Variants in MGAT4C observed in about 807,000 individuals in gnomAD.
MGAT4C encodes the protein MGAT4 family member C, also known as alpha-1,3-mannosyl-glycoprotein 4-beta-N-acetylglucosaminyltransferase C.
Under a neutral mutation model 40.1 loss-of-function variants are expected in MGAT4C, and 19 were observed. That is an observed-to-expected ratio of 0.47 (90% CI 0.33 to 0.70). MGAT4C has a LOEUF of 0.70. Among genes scored for constraint, MGAT4C ranks in the 30% least tolerant of loss-of-function variants. MGAT4C has a pLI of 0.02. For synonymous variants in MGAT4C, 181 were observed against 187.1 expected, an observed-to-expected ratio of 0.97 and a Z score of 0.27; for missense variants, 491 against 563.2, an observed-to-expected ratio of 0.87 and a Z score of 1.30.
At chr12:86,598,427 C>A (rs1441391328) in intron 2 of MGAT4C, among the ~76,000 whole-genome samples, 1 of 151,924 alleles carries the variant, frequency 6.6e-6, no homozygotes, top group African/African-American at 2.4e-5. Flanking sequence ...CTTCTTCCAC[C>A]TATTTAGAAG....
intron 1 of MGAT4C, among the ~76,000 whole-genome samples, chr12:86,812,579 T>C (rs11104102): frequency 0.33 from 50,276 of 151,924 alleles, 10,034 homozygotes; most frequent in East Asian, 0.67. Flanking sequence ...TCTTGGATTT[T>C]ATGTCTACTT....
chr12:86,827,394 T>C (rs1420432032), intron 1 of MGAT4C, among the ~76,000 whole-genome samples: 2 of 151,564 alleles, frequency 1.3e-5, no homozygotes, highest in African/African-American at 4.8e-5. Context: ...TTCCTGAATA[T>C]TTCCTACTGA....
chr12:86,447,923 C>G (rs1384029546), intron 2 of MGAT4C, among the ~76,000 whole-genome samples: 1 of 152,152 alleles, frequency 6.6e-6, no homozygotes, highest in Non-Finnish European at 1.5e-5. Flanking sequence ...CTGAGCTTCC[C>G]ATGCCCTGCC....
At chr12:86,156,644 A>G (rs972850963) in intron 1 of MGAT4C, among the ~76,000 whole-genome samples, 2 of 152,230 alleles carry the variant, frequency 1.3e-5, no homozygotes, top group African/African-American at 2.4e-5. Context: ...TTAAAAGTAC[A>G]GAAAAACATG....
At chr12:86,827,631 G>GA (rs1952833827) in intron 1 of MGAT4C, among the ~76,000 whole-genome samples, 1 of 151,306 alleles carries the variant, frequency 6.6e-6, no homozygotes, top group East Asian at 1.9e-4. Flanking sequence ...AAAGAAAAAT[G>GA]CCTTGGAAAG....
intron 2 of MGAT4C, among the ~76,000 whole-genome samples, chr12:86,608,493 G>T (rs1962124801): frequency 6.6e-6 from 1 of 152,020 alleles, no homozygotes; most frequent in South Asian, 2.1e-4. Context: ...TGGAAGAATT[G>T]CTTGAGCCCA....
chr12:86,252,859 T>C (rs1952358419), intron 1 of MGAT4C, among the ~76,000 whole-genome samples: 1 of 151,924 alleles, frequency 6.6e-6, no homozygotes, highest in African/African-American at 2.4e-5. Flanking sequence ...ACATACATTA[T>C]AAATACAAGA....
chr12:86,720,679 T>G (rs1316743468), intron 2 of MGAT4C, among the ~76,000 whole-genome samples: 3 of 152,120 alleles, frequency 2.0e-5, no homozygotes, highest in Non-Finnish European at 4.4e-5. Flanking sequence ...ATACAGGACA[T>G]GATTTACGAC....
At chr12:86,705,312 C>A (rs1383276832) in intron 2 of MGAT4C, among the ~76,000 whole-genome samples, 2 of 151,772 alleles carry the variant, frequency 1.3e-5, no homozygotes, top group African/African-American at 4.8e-5. Flanking sequence ...AAATGAAATA[C>A]AATTGGTTAT....
intron 1 of MGAT4C, among the ~76,000 whole-genome samples, chr12:86,235,332 C>G (rs1430804057): frequency 1.3e-5 from 2 of 152,014 alleles, no homozygotes; most frequent in African/African-American, 4.8e-5. Flanking sequence ...GATTATCTAG[C>G]TTCAGTCCAT....
intron 1 of MGAT4C, among the ~76,000 whole-genome samples, chr12:86,736,344 AAGCCACTGAAACCTTACC>A (rs1321281435): frequency 6.6e-6 from 1 of 151,794 alleles, no homozygotes; most frequent in African/African-American, 2.4e-5. Context: ...GAATCTTTTG[AAGCCACTGAAACCTTACC>A]ACTTTTCTTT....
At chr12:86,695,892 A>G (rs115210757) in intron 2 of MGAT4C, among the ~76,000 whole-genome samples, 3,133 of 152,158 alleles carry the variant, frequency 0.021, 100 homozygotes, top group African/African-American at 0.071. Flanking sequence ...CATCAATAAG[A>G]ATTTAATTGT....
At chr12:86,129,204 G>C (rs1369414233) in intron 1 of MGAT4C, among the ~76,000 whole-genome samples, 1 of 150,786 alleles carries the variant, frequency 6.6e-6, no homozygotes. Context: ...AAAGAGTCAA[G>C]CTACCTTTTA....
chr12:86,052,293 G>C (rs917394208), intron 1 of MGAT4C, among the ~76,000 whole-genome samples: 1 of 151,426 alleles, frequency 6.6e-6, no homozygotes, highest in African/African-American at 2.4e-5. Flanking sequence ...AAGTGACCAA[G>C]CCTTCTACAG....
chr12:86,379,183 A>G (rs1318095248), intron 3 of MGAT4C, among the ~76,000 whole-genome samples: 2 of 152,122 alleles, frequency 1.3e-5, no homozygotes, highest in Non-Finnish European at 2.9e-5. Flanking sequence ...GAAAAGTTAC[A>G]TGAATAAATA....
chr12:86,805,555 T>C (rs1331193807), intron 1 of MGAT4C, among the ~76,000 whole-genome samples: 2 of 152,034 alleles, frequency 1.3e-5, no homozygotes, highest in East Asian at 3.9e-4. Context: ...TTTTTTTCTT[T>C]TTTATGGCTG....
At chr12:86,180,204 C>T (rs1887957646) in intron 1 of MGAT4C, among the ~76,000 whole-genome samples, 1 of 152,206 alleles carries the variant, frequency 6.6e-6, no homozygotes, top group South Asian at 2.1e-4. Flanking sequence ...TGTGGGTACA[C>T]AGAAGTCAAG....
chr12:86,272,132 T>C (rs1378403921), intron 4 of MGAT4C, among the ~76,000 whole-genome samples: 1 of 152,208 alleles, frequency 6.6e-6, no homozygotes, highest in African/African-American at 2.4e-5. Flanking sequence ...GCTCATGTTA[T>C]GAATATCCTA....
At chr12:86,676,367 C>A (rs956313792) in intron 2 of MGAT4C, among the ~76,000 whole-genome samples, 3 of 152,122 alleles carry the variant, frequency 2.0e-5, no homozygotes, top group Non-Finnish European at 2.9e-5. Context: ...CAGGGGGAAA[C>A]CTTCTTTATT....
Sources: allele counts gnomAD v4.1 joint callset (sites outside exome capture counted in the v4.1 genomes callset), GRCh38; gene constraint gnomAD v4.1.1; transcripts MANE v1.5; gene names NCBI Gene and HGNC (gene_info 2026-07-23, HGNC 2026-07-21).